OPCML: variants seen among roughly 807,000 people sequenced by gnomAD.
OPCML encodes the protein opioid-binding protein/cell adhesion molecule.
A neutral mutation model predicts 37.8 loss-of-function variants in OPCML; 13 were observed. The observed-to-expected ratio is 0.34, with a 90% CI of 0.22 to 0.55. The LOEUF (loss-of-function observed/expected upper bound fraction) is 0.55, where lower values mean the gene tolerates loss of function less well. Among genes scored for constraint, OPCML ranks in the 20% least tolerant of loss-of-function variants. The probability of loss-of-function intolerance (pLI) is 0.91; values close to 1 mark genes in which losing one functional copy is unlikely to be tolerated. For missense variants in OPCML, 341 were observed against 435.6 expected, an observed-to-expected ratio of 0.78 and a Z score of 1.93; for synonymous variants, 176 against 168.8, an observed-to-expected ratio of 1.04 and a Z score of -0.33.
chr11:133,014,900 A>G (rs1947291522), intron 1 of OPCML, among the ~76,000 whole-genome samples: 2 of 152,202 alleles, frequency 1.3e-5, no homozygotes, highest in Admixed American at 1.3e-4. Flanking sequence ...GAACTCTTGC[A>G]TAATTCTCCC....
intron 4 of OPCML, among the ~76,000 whole-genome samples, chr11:132,508,884 G>A (rs902568312): frequency 6.6e-6 from 1 of 152,166 alleles, no homozygotes; most frequent in Non-Finnish European, 1.5e-5. Flanking sequence ...GAAGTGGGAT[G>A]CTGCTGAAAA....
chr11:132,740,823 A>G (rs1945412385), intron 2 of OPCML, among the ~76,000 whole-genome samples: 1 of 152,178 alleles, frequency 6.6e-6, no homozygotes, highest in African/African-American at 2.4e-5. Context: ...ATTTATTCCA[A>G]AGTATTTATG....
chr11:133,111,858 C>A (rs7101401), intron 1 of OPCML, among the ~76,000 whole-genome samples: 8 of 151,996 alleles, frequency 5.3e-5, no homozygotes, highest in African/African-American at 1.4e-4. Flanking sequence ...TGATTGACAC[C>A]TGTTAATAAC....
At chr11:133,233,319 A>T (rs1940359067) in intron 1 of OPCML, among the ~76,000 whole-genome samples, 1 of 152,090 alleles carries the variant, frequency 6.6e-6, no homozygotes, top group Non-Finnish European at 1.5e-5. Context: ...TTTTGAGCTG[A>T]AGGAAACTGG....
Position 133,468,723 on chromosome 11 carries a change from C to T in OPCML, c.61+63541G>A, listed in dbSNP as rs61912406. Among the ~76,000 whole-genome samples, 1,421 of 152,282 alleles carry T rather than the reference C, an allele frequency of 9.3e-3. 11 individuals are homozygous for T. The highest frequency in any genetic ancestry group is 0.016 in the Non-Finnish European group (1,104 of 68,026). On this transcript the variant is annotated intron_variant, in intron 1 of 7. Coordinates refer to ENST00000524381, the MANE Select transcript of OPCML (RefSeq NM_001012393.5). Reference sequence around the variant, plus strand: ...TGAGAGAAAAAGGCTTTTTGACAAGCGTTCAAGAGCTCACTTCACAAACAC... The same window carrying T: ...TGAGAGAAAAAGGCTTTTTGACAAGTGTTCAAGAGCTCACTTCACAAACAC...
chr11:133,005,697 A>G, intron 1 of OPCML: 1 of 977,666 alleles, frequency 1.0e-6, no homozygotes, highest in Non-Finnish European at 1.2e-6. Flanking sequence ...AATGCATCTA[A>G]TCCAGATTTT....
intron 1 of OPCML, among the ~76,000 whole-genome samples, chr11:133,318,661 G>C (rs1056935446): frequency 6.6e-6 from 1 of 152,030 alleles, no homozygotes; most frequent in East Asian, 1.9e-4. Context: ...TTTCTTTGAC[G>C]ATATCTGCTA....
intron 4 of OPCML, among the ~76,000 whole-genome samples, chr11:132,517,612 G>A (rs954536521): frequency 2.0e-5 from 3 of 152,192 alleles, no homozygotes; most frequent in South Asian, 2.1e-4. Flanking sequence ...TTGTAAAGTC[G>A]GTCTCAATTT....
intron 1 of OPCML, among the ~76,000 whole-genome samples, chr11:133,221,854 C>T (rs1164005413): frequency 1.3e-5 from 2 of 152,134 alleles, no homozygotes; most frequent in Admixed American, 1.3e-4. Flanking sequence ...GTGATCTCAG[C>T]CATTTCAACA....
At chr11:132,976,294 G>A (rs934553288) in intron 1 of OPCML, among the ~76,000 whole-genome samples, 2 of 152,128 alleles carry the variant, frequency 1.3e-5, no homozygotes, top group African/African-American at 4.8e-5. Flanking sequence ...CGAATGAGGT[G>A]GGGGGAGGGG....
intron 1 of OPCML, among the ~76,000 whole-genome samples, chr11:133,308,677 T>C (rs1423881298): frequency 6.6e-6 from 1 of 152,260 alleles, no homozygotes; most frequent in Admixed American, 6.5e-5. Flanking sequence ...AGCACCAAGA[T>C]CTTGGTTTCT....
chr11:133,036,367 A>C (rs2136935187), intron 1 of OPCML, among the ~76,000 whole-genome samples: 1 of 152,372 alleles, frequency 6.6e-6, no homozygotes, highest in South Asian at 2.1e-4. Flanking sequence ...GATCAATAAA[A>C]GATTCTCCAC....
intron 2 of OPCML, among the ~76,000 whole-genome samples, chr11:132,935,272 T>A (rs1335881193): frequency 6.6e-6 from 1 of 152,234 alleles, no homozygotes; most frequent in East Asian, 1.9e-4. Context: ...CTTCTTCTAA[T>A]TACGCCTACT....
chr11:133,328,386 G>C (rs1245049244), intron 1 of OPCML, among the ~76,000 whole-genome samples: 1 of 152,098 alleles, frequency 6.6e-6, no homozygotes, highest in Non-Finnish European at 1.5e-5. Flanking sequence ...TCGAACTCCT[G>C]ACCTCAGGTG....
intron 4 of OPCML, among the ~76,000 whole-genome samples, chr11:132,500,173 G>A (rs1371111165): frequency 6.6e-6 from 1 of 152,194 alleles, no homozygotes; most frequent in Non-Finnish European, 1.5e-5. Context: ...CTTAATGGCA[G>A]TGTCTTGTCT....
intron 1 of OPCML, among the ~76,000 whole-genome samples, chr11:133,481,441 A>T (rs1461361154): frequency 6.7e-6 from 1 of 149,954 alleles, no homozygotes; most frequent in African/African-American, 2.5e-5. Flanking sequence ...CTCCCCAGTT[A>T]AAAAAATAAA....
intron 1 of OPCML, among the ~76,000 whole-genome samples, chr11:133,479,005 C>T (rs1043782684): frequency 3.5e-4 from 53 of 152,172 alleles, no homozygotes; most frequent in African/African-American, 1.3e-3. Context: ...TGGGTTGCTT[C>T]ATTGCTTTTC....
intron 2 of OPCML, among the ~76,000 whole-genome samples, chr11:132,722,485 G>T (rs1167562504): frequency 1.3e-5 from 2 of 152,022 alleles, no homozygotes. Context: ...TCCTTTTTCT[G>T]CACTCCAGGG....
intron 1 of OPCML, among the ~76,000 whole-genome samples, chr11:133,520,092 G>C (rs1948367730): frequency 6.6e-6 from 1 of 152,100 alleles, no homozygotes; most frequent in African/African-American, 2.4e-5. Context: ...CCCCACCCCA[G>C]GCAAGACAAA....
Sources: allele counts gnomAD v4.1 joint callset (sites outside exome capture counted in the v4.1 genomes callset), GRCh38; gene constraint gnomAD v4.1.1; transcripts MANE v1.5; gene names NCBI Gene and HGNC (gene_info 2026-07-23, HGNC 2026-07-21).